Variants in TDRD5 observed in about 807,000 individuals in gnomAD.
TDRD5 encodes tudor domain-containing protein 5.
In TDRD5, 41 loss-of-function variants were observed where a neutral mutation model predicts 120.6. The ratio of observed to expected loss-of-function variants is 0.34; its 90% CI spans 0.26 to 0.44. The LOEUF is 0.44. TDRD5 is among the 20% of genes least tolerant of loss of function. The pLI, the probability that TDRD5 is intolerant of heterozygous loss-of-function variation, is 1.00. For synonymous variants in TDRD5, 430 were observed against 433.7 expected (o/e 0.99, Z 0.11); for missense variants, 1,006 against 1,221.2 (o/e 0.82, Z 2.63).
In TDRD5 at chr1:179,662,196, G is replaced by A; in HGVS notation, c.2415G>A (p.Met805Ile). 2 of 1,612,552 alleles carry A rather than the reference G, an allele frequency of 1.2e-6. No homozygotes were observed. The highest frequency in any genetic ancestry group is 8.5e-7 in the Non-Finnish European group (1 of 1,179,380). The change falls in exon 15 of 18, where the codon ATG becomes ATA. Residue 805 changes from methionine (M) to isoleucine (I), a missense_variant. By Grantham distance (10) the Met-to-Ile change is conservative. This residue lies in a region of TDRD5 where 403 missense variants were observed against 448.1 expected (regional missense o/e 0.90). Coordinates refer to ENST00000444136, the MANE Select transcript of TDRD5 (RefSeq NM_001199085.3). ...DENWLPLQAK[M>I]GKGGDAASHL... ...ACTGGTTACCTCTACAGGCTAAGAT[G>A]GGAAAAGGAGGTGATGCTGCCTCCC...
intron 17 of TDRD5, among the ~76,000 whole-genome samples, chr1:179,686,410 A>G (rs1680714711): frequency 6.6e-6 from 1 of 152,182 alleles, no homozygotes; most frequent in South Asian, 2.1e-4. Context: ...ATCATGGTGG[A>G]TAAGCTTTTT....
At chr1:179,625,672 G>A (rs1368898466) in intron 6 of TDRD5, among the ~76,000 whole-genome samples, 1 of 152,100 alleles carries the variant, frequency 6.6e-6, no homozygotes, top group African/African-American at 2.4e-5. Context: ...TTCAAACTCT[G>A]TGTCCTCAAA....
At chr1:179,669,096 G>T in intron 16 of TDRD5, 98 bp from the exon 17 acceptor site, 2 of 1,091,932 alleles carry the variant, frequency 1.8e-6, no homozygotes, top group African/African-American at 1.6e-5. Flanking sequence ...ATTATAATAT[G>T]GAAATATTTG....
chr1:179,649,267 A>G (rs746044596), intron 11 of TDRD5, among the ~76,000 whole-genome samples: 2 of 151,996 alleles, frequency 1.3e-5, no homozygotes, highest in African/African-American at 2.4e-5. Context: ...TTAATCTTGC[A>G]AATTCCCAAC....
intron 6 of TDRD5, among the ~76,000 whole-genome samples, chr1:179,624,932 T>G (rs1677038000): frequency 6.6e-6 from 1 of 151,990 alleles, no homozygotes; most frequent in South Asian, 2.1e-4. Context: ...CCATATACAC[T>G]GAAGTGATTT....
At chr1:179,628,498 G>T (rs12098005) in intron 6 of TDRD5, among the ~76,000 whole-genome samples, 1 of 149,786 alleles carries the variant, frequency 6.7e-6, no homozygotes, top group African/African-American at 2.5e-5. Context: ...TAGAGGCAGA[G>T]TCTCATTATA....
At chr1:179,632,968 C>T (rs4233182) in intron 7 of TDRD5, among the ~76,000 whole-genome samples, 66,508 of 151,920 alleles carry the variant, frequency 0.44, 14,619 homozygotes, top group Admixed American at 0.47. Flanking sequence ...AAGTGTTGAA[C>T]ATCACCTGCA....
intron 17 of TDRD5, among the ~76,000 whole-genome samples, chr1:179,681,250 T>A (rs941781774): frequency 1.5e-4 from 22 of 150,702 alleles, no homozygotes; most frequent in East Asian, 9.7e-4. Flanking sequence ...GCTAGTTTTT[T>A]AAAAAATTTT....
At chr1:179,686,169 G>C (rs769265272) in intron 17 of TDRD5, among the ~76,000 whole-genome samples, 15 of 152,144 alleles carry the variant, frequency 9.9e-5, no homozygotes, top group Non-Finnish European at 1.9e-4. Context: ...GTATGATATT[G>C]GCTGTGGGTT....
intron 4 of TDRD5, among the ~76,000 whole-genome samples, chr1:179,615,707 G>A (rs1484021472): frequency 6.6e-6 from 1 of 151,100 alleles, no homozygotes; most frequent in Non-Finnish European, 1.5e-5. Flanking sequence ...AACTTTTCCT[G>A]GGCTTTAAAA....
chr1:179,670,618 G>A (rs369714504), intron 17 of TDRD5, among the ~76,000 whole-genome samples: 1 of 152,000 alleles, frequency 6.6e-6, no homozygotes, highest in East Asian at 1.9e-4. Context: ...GGTATGTAGT[G>A]GTATATTATT....
At chr1:179,664,907 A>C (rs959941158) in intron 16 of TDRD5, among the ~76,000 whole-genome samples, 2 of 152,014 alleles carry the variant, frequency 1.3e-5, no homozygotes, top group African/African-American at 4.8e-5. Flanking sequence ...CATTTTATGT[A>C]CCCCCCAGCA....
intron 4 of TDRD5, among the ~76,000 whole-genome samples, chr1:179,616,099 C>T (rs2101959872): frequency 6.6e-6 from 1 of 152,132 alleles, no homozygotes; most frequent in Middle Eastern, 3.4e-3. Context: ...CCATTCTTAG[C>T]TTATGGGAAG....
chr1:179,660,308 C>G (rs1446415474), intron 14 of TDRD5, among the ~76,000 whole-genome samples: 1 of 146,830 alleles, frequency 6.8e-6, no homozygotes, highest in East Asian at 2.0e-4. Context: ...CAAGCTCTGC[C>G]TCTCAGGTTC....
At chr1:179,688,438 T>C (rs1006429600) in intron 17 of TDRD5, among the ~76,000 whole-genome samples, 1 of 152,202 alleles carries the variant, frequency 6.6e-6, no homozygotes, top group African/African-American at 2.4e-5. Context: ...GGCCTTCCCT[T>C]TGTGGGTAAC....
chr1:179,688,894 A>T (rs1311766799), intron 17 of TDRD5, among the ~76,000 whole-genome samples: 1 of 152,210 alleles, frequency 6.6e-6, no homozygotes, highest in Non-Finnish European at 1.5e-5. Context: ...TTTCAGCTCC[A>T]TCAAGTCTTT....
At chr1:179,683,982 G>A (rs868833754) in intron 17 of TDRD5, among the ~76,000 whole-genome samples, 15 of 151,998 alleles carry the variant, frequency 9.9e-5, no homozygotes, top group South Asian at 2.1e-4. Context: ...TTCAAGCATC[G>A]CATTTCCAGT....
intron 4 of TDRD5, among the ~76,000 whole-genome samples, chr1:179,616,533 C>T (rs1001416340): frequency 5.9e-5 from 9 of 152,142 alleles, no homozygotes; most frequent in Non-Finnish European, 1.3e-4. Flanking sequence ...TAATCTGTCT[C>T]CCTTGCTAAA....
At chr1:179,663,102 A>C (rs1301992120) in intron 15 of TDRD5, among the ~76,000 whole-genome samples, 1 of 152,252 alleles carries the variant, frequency 6.6e-6, no homozygotes, top group African/African-American at 2.4e-5. Flanking sequence ...TCTAGCCATG[A>C]AAAAGATATT....
Sources: gnomAD v4.1 joint callset for allele counts (sites outside exome capture counted in the v4.1 genomes callset) on GRCh38, gnomAD v4.1.1 for gene constraint, gnomAD v4.1.1 regional missense constraint, MANE v1.5 for transcripts, NCBI Gene and HGNC (gene_info 2026-07-23, HGNC 2026-07-21) for gene names.